Variants in CLDN16 observed in about 807,000 individuals in gnomAD.
CLDN16 encodes claudin-16.
A neutral mutation model predicts 24.6 loss-of-function variants in CLDN16; 13 were observed. The observed-to-expected ratio is 0.53, with a 90% confidence interval of 0.34 to 0.84. The LOEUF is 0.84. Among genes scored for constraint, CLDN16 ranks in the 40% least tolerant of loss-of-function variants. CLDN16 has a pLI of 0.01. For missense variants in CLDN16, 298 were observed against 292.7 expected, an observed-to-expected ratio of 1.02 and a Z score of -0.13; for synonymous variants, 116 against 106.7, an observed-to-expected ratio of 1.09 and a Z score of -0.54.
At chr3:190,348,280 CAA>C (rs34092127) in intron 1 of CLDN16, among the ~76,000 whole-genome samples, 1 of 76,968 alleles carries the variant, frequency 1.3e-5, no homozygotes, top group Non-Finnish European at 2.2e-5. Context: ...AAGAATAAAT[CAA>C]AAAAAAAAAA....
At chr3:190,321,589 A>G (rs151048579), upstream of CLDN16, among the ~76,000 whole-genome samples, 575 of 152,306 alleles carry the variant, frequency 3.8e-3, 5 homozygotes, top group African/African-American at 0.013. Flanking sequence ...CCAGGCTTCA[A>G]ACTTTTTCAG....
At chr3:190,358,780 T>C (rs1056611100) in intron 1 of CLDN16, among the ~76,000 whole-genome samples, 5 of 152,100 alleles carry the variant, frequency 3.3e-5, no homozygotes, top group African/African-American at 1.2e-4. Context: ...TCAATGGACA[T>C]AGTTTTTTCA....
rs528267580 is a variant in CLDN16, at chr3:190,325,611, T to A, written n.121+2950T>A. Among the ~76,000 whole-genome samples, 3 of 152,220 alleles carry A rather than the reference T, an allele frequency of 2.0e-5. No individual in the cohort carries two copies. In the East Asian group the frequency reaches 5.8e-4, roughly 29 times the overall value. ...GAGAACCAATAATAAGTAGAAGAGA[T>A]ATACACATAAAAGACAGAAGCAAAG... is the stretch of plus-strand genomic sequence containing the variant. On this transcript the variant is annotated intron_variant and non_coding_transcript_variant, in intron 1 of 4. Coordinates refer to the CLDN16 transcript ENST00000468220.
intron 1 of CLDN16, among the ~76,000 whole-genome samples, chr3:190,364,431 T>C (rs184126104): frequency 9.4e-4 from 142 of 151,542 alleles, no homozygotes; most frequent in African/African-American, 2.9e-3. Flanking sequence ...TGACAGAACA[T>C]AGCTCATGAT....
intron 1 of CLDN16, among the ~76,000 whole-genome samples, chr3:190,333,570 CT>C (rs1170367511): frequency 1.9e-4 from 23 of 122,690 alleles, no homozygotes; most frequent in African/African-American, 6.9e-4. Context: ...ATCTATCTAT[CT>C]ATCTATCTAT....
Position 190,388,377 on chromosome 3 carries a change from T to C in CLDN16, c.48T>C (p.Ser16=). 1.2e-6 allele frequency: 2 copies of C among 1,614,106 alleles called. No individual in the cohort carries two copies. Among genetic ancestry groups the C allele is most frequent in the East Asian group, 2.2e-5 (1 of 44,860 alleles). Residue 16 remains serine, a synonymous_variant, in exon 1 of 5, where the codon TCT becomes TCC. Transcript: ENST00000264734. The stretch of plus-strand genomic sequence containing the variant: ...TCGCTTGCTTCTTTGCCTTTTTCTC[T>C]GCTGGGTTTTTGATTGTGGCCACCT... ...QYIACFFAFF[S]AGFLIVATWT...
At chr3:190,407,505 T>A (rs997645799) in intron 3 of CLDN16, among the ~76,000 whole-genome samples, 1 of 152,172 alleles carries the variant, frequency 6.6e-6, no homozygotes, top group African/African-American at 2.4e-5. Flanking sequence ...AGTACATATT[T>A]TAAAAACACT....
rs1160098826 is a variant in CLDN16, at chr3:190,411,159, C to T, written c.*1123C>T. On this transcript the variant is annotated 3_prime_UTR_variant, in exon 5 of 5. Coordinates refer to ENST00000264734, the MANE Select transcript of CLDN16 (RefSeq NM_006580.4). ...CCTGTAGTCCCAGCTACTCGGGAGG[C>T]TGAGGCAGGAGAATCGTTTGAACCC... The T allele has an allele frequency of 1.3e-5, 2 of 152,196 alleles. No individual in the cohort carries two copies. Among genetic ancestry groups the T allele is most frequent in the South Asian group, 4.1e-4 (2 of 4,832 alleles). The allele number at this position is 152,196 out of a possible 1,614,324, so 9.4% of individuals were successfully genotyped here.
chr3:190,378,286 A>G (rs1396217650), intron 3 of CLDN16, among the ~76,000 whole-genome samples: 1 of 152,010 alleles, frequency 6.6e-6, no homozygotes, highest in Admixed American at 6.6e-5. Context: ...GGAGGGTCTC[A>G]GTAGGTAGAA....
At chr3:190,402,485 C>A in intron 2 of CLDN16, 46 bp downstream of exon 2, 1 of 1,419,404 alleles carries the variant, frequency 7.0e-7, no homozygotes, top group South Asian at 1.1e-5. Flanking sequence ...GGGAAAGGGA[C>A]AGAAAACTGA....
At chr3:190,292,491 G>C in the CLDN16 span, among the ~76,000 whole-genome samples, 2 of 152,162 alleles carry the variant, frequency 1.3e-5, no homozygotes, top group East Asian at 3.9e-4. Context: ...AAAGATCTCT[G>C]ACATGCCCTG....
At chr3:190,331,635 G>A (rs566559266) in intron 1 of CLDN16, among the ~76,000 whole-genome samples, 1 of 152,134 alleles carries the variant, frequency 6.6e-6, no homozygotes, top group Non-Finnish European at 1.5e-5. Context: ...CACTACTAGA[G>A]TGTTCTTGTC....
chr3:190,380,192 T>TTGCTTCCTTTTCTTCCTTCCC (rs1553806948), intron 3 of CLDN16, among the ~76,000 whole-genome samples: 1 of 123,080 alleles, frequency 8.1e-6, no homozygotes, highest in Non-Finnish European at 1.9e-5. Context: ...CTTTTCTTCC[T>TTGCTTCCTTTTCTTCCTTCCC]TCCCTCCCTT....
Position 190,404,569 on chromosome 3 carries a change from A to C in CLDN16, c.218-193A>C, listed in dbSNP as rs1166599871. Among the ~76,000 whole-genome samples, 5 of 152,212 alleles carry C rather than the reference A, an allele frequency of 3.3e-5. No individual in the cohort carries two copies. In the East Asian group the frequency reaches 9.6e-4, roughly 29 times the overall value. On this transcript the variant is annotated intron_variant, in intron 2 of 4. Coordinates refer to ENST00000264734, the MANE Select transcript of CLDN16 (RefSeq NM_006580.4). ...GTGAACTGTGGTTAAACAAGCAATA[A>C]TGTCAATAATCTCATATTTTTTAGT...
intron 1 of CLDN16, among the ~76,000 whole-genome samples, chr3:190,341,477 C>T (rs866373858): frequency 1.3e-5 from 2 of 152,150 alleles, no homozygotes; most frequent in Non-Finnish European, 2.9e-5. Flanking sequence ...GCTGGAGCAG[C>T]TGGGATGCAG....
intron 4 of CLDN16, among the ~76,000 whole-genome samples, chr3:190,408,810 T>C: frequency 6.9e-6 from 1 of 145,908 alleles, no homozygotes; most frequent in South Asian, 2.1e-4. Flanking sequence ...ACATACCGTA[T>C]ATATACTATA....
chr3:190,399,228 G>A (rs1031010327), intron 1 of CLDN16, among the ~76,000 whole-genome samples: 3 of 152,156 alleles, frequency 2.0e-5, no homozygotes, highest in Non-Finnish European at 4.4e-5. Flanking sequence ...TTTAGGCTGG[G>A]CACGGTGCCT....
intron 1 of CLDN16, among the ~76,000 whole-genome samples, chr3:190,327,268 C>A (rs1230518174): frequency 6.6e-6 from 1 of 152,172 alleles, no homozygotes; most frequent in South Asian, 2.1e-4. Context: ...TTGAATTAAG[C>A]CCATCAAATT....
At chr3:190,303,418 C>A in the CLDN16 span, among the ~76,000 whole-genome samples, 3 of 152,130 alleles carry the variant, frequency 2.0e-5, no homozygotes, top group African/African-American at 7.2e-5. Context: ...GTGTTCTATC[C>A]CAGGTCAGCT....
Sources: allele counts gnomAD v4.1 joint callset (sites outside exome capture counted in the v4.1 genomes callset), GRCh38; gene constraint gnomAD v4.1.1; transcripts MANE v1.5; gene names NCBI Gene and HGNC (gene_info 2026-07-23, HGNC 2026-07-21).